The following SGMS1 variants were observed in gnomAD, a reference collection of about 807,000 sequenced individuals.
SGMS1 encodes phosphatidylcholine:ceramide cholinephosphotransferase 1.
In SGMS1, 13 loss-of-function variants were observed where a neutral mutation model predicts 46.2. The ratio of observed to expected loss-of-function variants is 0.28; its 90% CI spans 0.18 to 0.45. The LOEUF is 0.45. Among genes scored for constraint, SGMS1 ranks in the 20% least tolerant of loss-of-function variants. The probability of loss-of-function intolerance (pLI) is 1.00; values close to 1 mark genes in which losing one functional copy is unlikely to be tolerated. For missense variants in SGMS1, 324 were observed against 519.9 expected (o/e 0.62, Z 3.66); for synonymous variants, 203 against 187.8 (o/e 1.08, Z -0.66).
At chr10:50,372,002 C>T (rs1848442044) in intron 6 of SGMS1, among the ~76,000 whole-genome samples, 1 of 152,206 alleles carries the variant, frequency 6.6e-6, no homozygotes, top group South Asian at 2.1e-4. Flanking sequence ...AACACGTGAA[C>T]TCTGGGGAAC....
chr10:50,500,151 G>A (rs1000503039), intron 3 of SGMS1, among the ~76,000 whole-genome samples: 13 of 152,326 alleles, frequency 8.5e-5, no homozygotes, highest in Admixed American at 7.8e-4. Flanking sequence ...CTGGGTGACA[G>A]AGCGGGACTC....
intron 2 of SGMS1, among the ~76,000 whole-genome samples, chr10:50,544,325 C>A (rs1212247369): frequency 1.3e-5 from 2 of 152,180 alleles, no homozygotes; most frequent in Non-Finnish European, 2.9e-5. Context: ...AGGATATGAA[C>A]CTCTTACAGA....
intron 6 of SGMS1, among the ~76,000 whole-genome samples, chr10:50,347,833 C>G (rs1157073471): frequency 2.6e-5 from 4 of 152,148 alleles, no homozygotes; most frequent in Non-Finnish European, 5.9e-5. Context: ...AATCTCCTCT[C>G]AAGAGATAAT....
At chr10:50,539,290 C>T (rs529428413) in intron 2 of SGMS1, among the ~76,000 whole-genome samples, 1 of 152,370 alleles carries the variant, frequency 6.6e-6, no homozygotes, top group East Asian at 1.9e-4. Flanking sequence ...TTTTAGCCAT[C>T]TAGGAACAAT....
intron 3 of SGMS1, among the ~76,000 whole-genome samples, chr10:50,493,706 A>AG (rs1837586049): frequency 7.0e-6 from 1 of 142,012 alleles, no homozygotes; most frequent in African/African-American, 2.9e-5. Flanking sequence ...CAATCATATG[A>AG]AAAAAAAAAA....
intron 6 of SGMS1, among the ~76,000 whole-genome samples, chr10:50,367,268 G>A (rs1032180568): frequency 6.6e-6 from 1 of 152,242 alleles, no homozygotes; most frequent in African/African-American, 2.4e-5. Flanking sequence ...CAACCCTAGG[G>A]ACTAACATCA....
At chr10:50,467,440 C>T (rs1214758193) in intron 3 of SGMS1, among the ~76,000 whole-genome samples, 1 of 152,142 alleles carries the variant, frequency 6.6e-6, no homozygotes, top group Non-Finnish European at 1.5e-5. Context: ...CTCTAACCCA[C>T]ATCACCCTAA....
chr10:50,600,662 C>G lies in SGMS1; in HGVS notation c.-683-10415G>C, dbSNP rs959308563. 4.6e-5 allele frequency among the ~76,000 whole-genome samples: 7 copies of G among 152,344 alleles called. No individual in the cohort carries two copies. The South Asian group carries it at 1.2e-3, about 27-fold the overall frequency. On this transcript the variant is annotated intron_variant, in intron 1 of 10. Coordinates refer to ENST00000361781, the MANE Select transcript of SGMS1 (RefSeq NM_147156.4). ...GAAAGAGAATGCTTCTGTTACCCAGCTTCAGTCCTCCTGGCTGGGTGAAGA... is the reference window on the plus strand; with the variant it reads ...GAAAGAGAATGCTTCTGTTACCCAGGTTCAGTCCTCCTGGCTGGGTGAAGA...
At chr10:50,464,605 G>C (rs913602641) in intron 4 of SGMS1, among the ~76,000 whole-genome samples, 13 of 152,162 alleles carry the variant, frequency 8.5e-5, no homozygotes, top group African/African-American at 3.1e-4. Flanking sequence ...GCTAATTTTT[G>C]TATTTTTTGG....
chr10:50,462,532 T>C (rs1172232217), intron 4 of SGMS1, among the ~76,000 whole-genome samples: 2 of 152,196 alleles, frequency 1.3e-5, no homozygotes, highest in African/African-American at 4.8e-5. Flanking sequence ...AGAAACTGGC[T>C]AACAAGAAGG....
chr10:50,556,622 A>G (rs1003212756), intron 2 of SGMS1, among the ~76,000 whole-genome samples: 2 of 152,188 alleles, frequency 1.3e-5, no homozygotes. Flanking sequence ...AAGATCAGAG[A>G]GACCCCGTAG....
intron 5 of SGMS1, among the ~76,000 whole-genome samples, chr10:50,457,644 G>A (rs186133889): frequency 8.5e-5 from 13 of 152,106 alleles, no homozygotes; most frequent in African/African-American, 2.9e-4. Flanking sequence ...TAGCTACCAC[G>A]TATAAGTGAG....
chr10:50,573,724 G>T (rs1838355567), intron 2 of SGMS1, among the ~76,000 whole-genome samples: 1 of 151,908 alleles, frequency 6.6e-6, no homozygotes, highest in African/African-American at 2.4e-5. Context: ...TTTTAAGCAA[G>T]AAAAACAAAG....
At chr10:50,440,952 T>A (rs991122647) in intron 5 of SGMS1, among the ~76,000 whole-genome samples, 18 of 152,198 alleles carry the variant, frequency 1.2e-4, no homozygotes, top group Non-Finnish European at 2.2e-4. Flanking sequence ...ATTCATTGAA[T>A]CATGCCAAGA....
chr10:50,554,637 G>C (rs1283932655), intron 2 of SGMS1, among the ~76,000 whole-genome samples: 1 of 152,152 alleles, frequency 6.6e-6, no homozygotes, highest in Non-Finnish European at 1.5e-5. Context: ...AGGTTCAGGG[G>C]CTGGCCCCAC....
intron 7 of SGMS1, chr10:50,328,175 A>G: frequency 3.7e-6 from 1 of 271,390 alleles, no homozygotes; most frequent in Non-Finnish European, 7.2e-6. Flanking sequence ...TAATATAAAA[A>G]TTCCATGTAA....
At chr10:50,480,283 T>C (rs562577061) in intron 3 of SGMS1, among the ~76,000 whole-genome samples, 2 of 152,178 alleles carry the variant, frequency 1.3e-5, no homozygotes, top group South Asian at 4.1e-4. Flanking sequence ...AACGAGAGTA[T>C]TAAGCAGTCA....
At chr10:50,397,760 G>A (rs925544975) in intron 6 of SGMS1, among the ~76,000 whole-genome samples, 29 of 152,296 alleles carry the variant, frequency 1.9e-4, no homozygotes, top group Middle Eastern at 3.4e-3. Context: ...AACCATTTAG[G>A]TTTCAGAGGT....
At chr10:50,399,149 A>AAT (rs149622563) in intron 6 of SGMS1, among the ~76,000 whole-genome samples, 4,590 of 152,170 alleles carry the variant, frequency 0.03, 106 homozygotes, top group African/African-American at 0.066. Flanking sequence ...TTATATAGAA[A>AAT]ATATACCGCA....
Sources: gnomAD v4.1 joint callset for allele counts (sites outside exome capture counted in the v4.1 genomes callset) on GRCh38, gnomAD v4.1.1 for gene constraint, MANE v1.5 for transcripts, NCBI Gene and HGNC (gene_info 2026-07-23, HGNC 2026-07-21) for gene names.